The following NEK1 variants were observed in gnomAD, a reference collection of about 807,000 sequenced individuals.
The protein encoded by NEK1 is serine/threonine-protein kinase Nek1.
A neutral mutation model predicts 182.1 loss-of-function variants in NEK1; 137 were observed. The observed-to-expected ratio is 0.75, with a 90% confidence interval of 0.65 to 0.87. The LOEUF is 0.87. Among genes scored for constraint, NEK1 ranks in the 40% least tolerant of loss-of-function variants. The pLI, the probability that NEK1 is intolerant of heterozygous loss-of-function variation, is 0.00. For synonymous variants in NEK1, 513 were observed against 492.2 expected, an observed-to-expected ratio of 1.04 and a Z score of -0.56; for missense variants, 1,391 against 1,494.4, an observed-to-expected ratio of 0.93 and a Z score of 1.14.
intron 27 of NEK1, among the ~76,000 whole-genome samples, chr4:169,454,777 C>T (rs149143641): frequency 1.4e-4 from 22 of 152,298 alleles, no homozygotes; most frequent in African/African-American, 4.1e-4. Flanking sequence ...GTGGCAATTC[C>T]TCAAGGATCT....
Position 169,403,395 on chromosome 4 carries a change from C to G in NEK1, c.3375-1535G>C, listed in dbSNP as rs1001565579. On this transcript the variant is annotated intron_variant, in intron 32 of 35. Coordinates refer to ENST00000507142, the MANE Select transcript of NEK1 (RefSeq NM_001199397.3). The stretch of plus-strand genomic sequence containing the variant: ...CAAGCCTGGGCAACATAGCGAGACC[C>G]CTCTAGAAAAAAAATTGCAAAAAAC... Among the ~76,000 whole-genome samples the G allele has an allele frequency of 9.9e-5, 15 of 151,946 alleles. No individual in the cohort carries two copies. In the South Asian group the frequency reaches 2.9e-3, roughly 30 times the overall value.
intron 27 of NEK1, among the ~76,000 whole-genome samples, chr4:169,451,808 G>A (rs1561211821): frequency 6.6e-6 from 1 of 152,078 alleles, no homozygotes; most frequent in South Asian, 2.1e-4. Flanking sequence ...GAAGGAGATA[G>A]ACACAAAAAC....
At chr4:169,466,155 T>C (rs1456273014) in intron 26 of NEK1, among the ~76,000 whole-genome samples, 2 of 151,834 alleles carry the variant, frequency 1.3e-5, no homozygotes, top group East Asian at 3.9e-4. Context: ...AAAACATTAA[T>C]AAGATCCACA....
intron 18 of NEK1, among the ~76,000 whole-genome samples, chr4:169,539,382 T>G (rs2149820112): frequency 6.6e-6 from 1 of 152,302 alleles, no homozygotes; most frequent in South Asian, 2.1e-4. Flanking sequence ...AGGCTGGGCC[T>G]AAGGAAGGCA....
chr4:169,532,646 T>A (rs1295088141), intron 19 of NEK1, among the ~76,000 whole-genome samples: 2 of 151,934 alleles, frequency 1.3e-5, no homozygotes, highest in Non-Finnish European at 2.9e-5. Context: ...AAAAATAAAG[T>A]CTATTTGCTG....
At chr4:169,589,330 G>A (rs1768042071) in intron 7 of NEK1, 117 bp downstream of exon 7, 2 of 684,732 alleles carry the variant, frequency 2.9e-6, no homozygotes, top group East Asian at 2.9e-5. Flanking sequence ...TCCCAATAAA[G>A]CAACATCCCA....
At chr4:169,577,238 C>A (rs1161843235) in intron 11 of NEK1, among the ~76,000 whole-genome samples, 159 bp from the exon 12 acceptor site, 1 of 151,892 alleles carries the variant, frequency 6.6e-6, no homozygotes, top group African/African-American at 2.4e-5. Context: ...TTTACTAATG[C>A]CTTAACTATT....
chr4:169,490,866 G>A (rs533657567), intron 23 of NEK1, among the ~76,000 whole-genome samples: 90 of 152,098 alleles, frequency 5.9e-4, no homozygotes, highest in African/African-American at 2.0e-3. Context: ...AGATGAGGCC[G>A]GGCATGGTGG....
At chr4:169,580,331 T>C (rs2150049446) in intron 11 of NEK1, among the ~76,000 whole-genome samples, 2 of 151,878 alleles carry the variant, frequency 1.3e-5, no homozygotes, top group East Asian at 3.9e-4. Flanking sequence ...ACCCCATCTC[T>C]ACTAAAAATA....
intron 2 of NEK1, among the ~76,000 whole-genome samples, chr4:169,608,266 C>T (rs1480099430): frequency 6.6e-6 from 1 of 151,970 alleles, no homozygotes; most frequent in Non-Finnish European, 1.5e-5. Context: ...ACAGGAAGTC[C>T]AGAAATCAAA....
intron 27 of NEK1, among the ~76,000 whole-genome samples, chr4:169,459,752 A>G (rs1408688690): frequency 2.6e-5 from 4 of 152,344 alleles, no homozygotes; most frequent in East Asian, 1.9e-4. Flanking sequence ...CCTTAAGTGT[A>G]TATTACTAAG....
At chr4:169,488,081 T>C (rs1457193153) in intron 23 of NEK1, among the ~76,000 whole-genome samples, 9 of 152,214 alleles carry the variant, frequency 5.9e-5, no homozygotes, top group Non-Finnish European at 1.3e-4. Context: ...TAGCTCTTTG[T>C]CAGATGGATA....
At chr4:169,445,920 G>T (rs1369705604) in intron 27 of NEK1, among the ~76,000 whole-genome samples, 1 of 148,288 alleles carries the variant, frequency 6.7e-6, no homozygotes, top group Admixed American at 6.7e-5. Flanking sequence ...GCCATAAAAA[G>T]AATGAAATCT....
chr4:169,575,497 C>A (rs72692961), intron 12 of NEK1, among the ~76,000 whole-genome samples: 5,952 of 152,308 alleles, frequency 0.039, 132 homozygotes, highest in Non-Finnish European at 0.055. Context: ...AGTGCCCCTA[C>A]CAGCTTCCCT....
intron 12 of NEK1, among the ~76,000 whole-genome samples, chr4:169,568,948 A>AC (rs1764173211): frequency 6.6e-6 from 1 of 150,674 alleles, no homozygotes; most frequent in African/African-American, 2.5e-5. Flanking sequence ...AAAAAAAAAA[A>AC]AAAGAAAACC....
intron 19 of NEK1, among the ~76,000 whole-genome samples, chr4:169,534,275 G>T (rs899270682): frequency 6.6e-6 from 1 of 152,154 alleles, no homozygotes; most frequent in African/African-American, 2.4e-5. Flanking sequence ...AGTGATCCTT[G>T]AGAGAAGGGA....
rs1330470414 is a variant in NEK1 at position 169,569,433 on chromosome 4, CCTCTCCCT to C, written c.1021-7245_1021-7238del. On this transcript the variant is annotated intron_variant, in intron 12 of 35. Transcript: ENST00000507142. Reference sequence around the variant, plus strand: ...TAAGAATAAAAGCTCTCTCCCTCTCCCTCTCCCTCTCTCCCTCCCTCCCTCTCTCCCTC... The same window carrying C: ...TAAGAATAAAAGCTCTCTCCCTCTCCCTCTCCCTCCCTCCCTCTCTCCCTC... 9.4e-5 allele frequency among the ~76,000 whole-genome samples: 14 copies of C among 148,166 alleles called. No homozygotes were observed. In the East Asian group the frequency reaches 2.6e-3, roughly 28 times the overall value.
chr4:169,512,234 C>T (rs1057452523), intron 19 of NEK1, among the ~76,000 whole-genome samples: 2 of 152,090 alleles, frequency 1.3e-5, no homozygotes, highest in Non-Finnish European at 2.9e-5. Flanking sequence ...ACATTCCAAA[C>T]AACAATGTAT....
intron 18 of NEK1, among the ~76,000 whole-genome samples, chr4:169,545,053 CTTT>C (rs200190997): frequency 1.5e-5 from 2 of 137,906 alleles, no homozygotes; most frequent in Admixed American, 7.2e-5. Context: ...TTCTCTGATT[CTTT>C]TTTTTTTTTT....
Sources: gnomAD v4.1 joint callset for allele counts (sites outside exome capture counted in the v4.1 genomes callset) on GRCh38, gnomAD v4.1.1 for gene constraint, MANE v1.5 for transcripts, NCBI Gene and HGNC (gene_info 2026-07-23, HGNC 2026-07-21) for gene names.